The following CKAP2L variants were observed in gnomAD, a reference collection of about 807,000 sequenced individuals.
CKAP2L encodes cytoskeleton associated protein 2L.
In CKAP2L, 42 loss-of-function variants were observed where a neutral mutation model predicts 65.7. That is an observed-to-expected ratio of 0.64 (90% CI 0.50 to 0.83). CKAP2L has a LOEUF of 0.83. Among genes scored for constraint, CKAP2L ranks in the 40% least tolerant of loss-of-function variants. The pLI is 0.00. For synonymous variants in CKAP2L, 325 were observed against 313.5 expected (o/e 1.04, Z -0.39); for missense variants, 908 against 871.0 (o/e 1.04, Z -0.53).
At chr2:112,750,646 G>A (rs1680345159) in intron 5 of CKAP2L, among the ~76,000 whole-genome samples, 1 of 152,176 alleles carries the variant, frequency 6.6e-6, no homozygotes, top group African/African-American at 2.4e-5. Context: ...ACCCACATAA[G>A]ATACTGTGTA....
At chr2:112,740,430 G>A (rs188752166) in intron 8 of CKAP2L, among the ~76,000 whole-genome samples, 8 of 152,228 alleles carry the variant, frequency 5.3e-5, no homozygotes, top group Non-Finnish European at 7.4e-5. Flanking sequence ...AAAATAAAAC[G>A]TTTCTGACTT....
At chr2:112,760,119 T>C (rs1429578476) in intron 3 of CKAP2L, among the ~76,000 whole-genome samples, 1 of 152,216 alleles carries the variant, frequency 6.6e-6, no homozygotes, top group Admixed American at 6.5e-5. Flanking sequence ...TTCAGAGGGC[T>C]AATTTCTTCC....
chr2:112,763,921 C>T (rs1357258098), intron 1 of CKAP2L: 1 of 152,418 alleles, frequency 6.6e-6, no homozygotes, highest in African/African-American at 2.4e-5. Context: ...GTGCCTAGGA[C>T]CTCGTAGGCA....
intron 6 of CKAP2L, among the ~76,000 whole-genome samples, chr2:112,743,165 G>A (rs1680076493): frequency 6.6e-6 from 1 of 152,024 alleles, no homozygotes; most frequent in Admixed American, 6.6e-5. Flanking sequence ...ATTTTCTTGA[G>A]ACAGAGTCTT....
rs1680398459 is a variant in CKAP2L, at chr2:112,752,382, A to G, written c.1487T>C (p.Met496Thr). The change falls in exon 5 of 9, where the codon ATG becomes ACG. Residue 496 changes from methionine (M) to threonine (T), a missense_variant. Coordinates refer to ENST00000302450, the MANE Select transcript of CKAP2L (RefSeq NM_152515.5). ...LKTKRKVIKEMNISFWKSIEK... is the reference protein window; with the variant it reads ...LKTKRKVIKETNISFWKSIEK... ...AATGCTCTTCCAGAATGAAATATTC[A>G]TTTCCTTTATTACTTTTCTTTTTGT... The G allele has an allele frequency of 3.1e-6, 5 of 1,612,236 alleles. No individual in the cohort carries two copies. The highest frequency in any genetic ancestry group is 4.2e-6 in the Non-Finnish European group (5 of 1,178,676).
rs1221260627 is a variant in CKAP2L at position 112,756,765 on chromosome 2, T to C, written c.606A>G (p.Lys202=). Residue 202 remains lysine (K), a synonymous_variant, in exon 4 of 9, where the codon AAA becomes AAG. Transcript: ENST00000302450. The part of the protein sequence containing the change: ...LTEPERKPDP[K]LYTRSKPKTD... ...TCTTTGGCTTACTTCTGGTATATAA[T>C]TTAGGATCTGGCTTCCTCTCAGGTT... The C allele has an allele frequency of 1.2e-6, 2 of 1,602,660 alleles. No homozygotes were observed. The highest frequency in any genetic ancestry group is 1.7e-6 in the Non-Finnish European group (2 of 1,176,694).
intron 5 of CKAP2L, among the ~76,000 whole-genome samples, chr2:112,746,924 A>G (rs1481588653): frequency 6.6e-6 from 1 of 151,850 alleles, no homozygotes; most frequent in Non-Finnish European, 1.5e-5. Context: ...AGTAGCTGGG[A>G]CTACAGGCAC....
chr2:112,753,058 A>C (rs927725254), intron 4 of CKAP2L, among the ~76,000 whole-genome samples: 1 of 152,200 alleles, frequency 6.6e-6, no homozygotes, highest in Non-Finnish European at 1.5e-5. Flanking sequence ...TCCAGCTTCT[A>C]ACAGGTGATA....
At chr2:112,759,022 C>T (rs183831667) in intron 3 of CKAP2L, among the ~76,000 whole-genome samples, 16 of 152,342 alleles carry the variant, frequency 1.1e-4, no homozygotes, top group Middle Eastern at 3.4e-3. Flanking sequence ...TTCTGTCTGG[C>T]TTCTTTCACT....
intron 2 of CKAP2L, among the ~76,000 whole-genome samples, chr2:112,761,214 A>G (rs1180273060): frequency 6.6e-6 from 1 of 152,150 alleles, no homozygotes; most frequent in African/African-American, 2.4e-5. Flanking sequence ...TAATCCCAGC[A>G]CTTTGGGAGG....
intron 4 of CKAP2L, among the ~76,000 whole-genome samples, chr2:112,753,537 T>TTC (rs1246557666): frequency 7.0e-6 from 1 of 142,422 alleles, no homozygotes; most frequent in Non-Finnish European, 1.5e-5. Flanking sequence ...TTTTTTTTTT[T>TTC]TTTTTTTTTT....
At position 112,752,279 on chromosome 2, in the gene CKAP2L, G is replaced by C; in HGVS notation, c.1590C>G (p.Asn530Lys). The C allele has an allele frequency of 3.1e-6, 5 of 1,612,958 alleles. No individual in the cohort carries two copies. Among genetic ancestry groups the C allele is most frequent in the Non-Finnish European group, 4.2e-6 (5 of 1,179,220 alleles). Residue 530 changes from asparagine (N) to lysine (K), a missense_variant, in exon 5 of 9, where the codon AAC becomes AAG. Asn to Lys is a moderately conservative substitution (Grantham distance 94). Coordinates refer to ENST00000302450, the MANE Select transcript of CKAP2L (RefSeq NM_152515.5). Reference protein sequence around the residue: ...KINNTLTECLNLIEGGVPSNE... With the variant: ...KINNTLTECLKLIEGGVPSNE... ...CTTCTTCACTTACCCCTTCGATGAG[G>C]TTCAGACATTCTGTCAGAGTGTTGT...
At chr2:112,748,008 G>A (rs1680256329) in intron 5 of CKAP2L, among the ~76,000 whole-genome samples, 1 of 152,172 alleles carries the variant, frequency 6.6e-6, no homozygotes, top group East Asian at 1.9e-4. Flanking sequence ...CTAGAAACCA[G>A]TGTAATAAAA....
chr2:112,752,091 A>G (rs1398106367), intron 5 of CKAP2L, among the ~76,000 whole-genome samples, 176 bp downstream of exon 5: 1 of 152,246 alleles, frequency 6.6e-6, no homozygotes, highest in Admixed American at 6.5e-5. Context: ...ATAAAAGCAC[A>G]GATACACAAA....
chr2:112,759,416 C>T (rs545104470), intron 3 of CKAP2L, among the ~76,000 whole-genome samples: 2 of 152,300 alleles, frequency 1.3e-5, no homozygotes, highest in African/African-American at 2.4e-5. Context: ...TTATTTACAT[C>T]GTGCTTTTAG....
In CKAP2L at chr2:112,757,174, A is replaced by T. The variant is rs1680567019; in HGVS notation, c.197T>A (p.Leu66Ter). 6.2e-7 allele frequency: 1 copy of T among 1,612,848 alleles called. No individual in the cohort carries two copies. Among genetic ancestry groups the T allele is most frequent in the Non-Finnish European group, 8.5e-7 (1 of 1,179,374 alleles). ...PKNDVTNHVVLPVKPKRSISI... is the reference protein window; with the variant it reads ...PKNDVTNHVV ...GATGGACCTTTTAGGTTTGACAGGCAAAACAACATGGTTGGTAACATCATT... is the reference window on the plus strand; with the variant it reads ...GATGGACCTTTTAGGTTTGACAGGCTAAACAACATGGTTGGTAACATCATT... Residue 66 changes from leucine (L) to a stop codon, truncating the protein, a stop_gained, in exon 4 of 9, where the codon TTG (leucine) becomes TAG (stop). Coordinates refer to ENST00000302450, the MANE Select transcript of CKAP2L (RefSeq NM_152515.5). LOFTEE classifies it high-confidence loss of function.
In CKAP2L at chr2:112,752,716, G is replaced by T. The variant is rs74714058; in HGVS notation, c.1395-242C>A. ...TGGCCAGCACTTCAGACTTCAAATA[G>T]AATTCGTGATTATGCATTATTTTTC... On this transcript the variant is annotated intron_variant, in intron 4 of 8. Transcript: ENST00000302450. Among the ~76,000 whole-genome samples the T allele has an allele frequency of 8.6e-3, 1,312 of 152,180 alleles. 7 individuals carry two copies. Among genetic ancestry groups the T allele is most frequent in the Admixed American group, 0.014 (207 of 15,284 alleles).
At chr2:112,744,929 A>C (rs1680155057) in intron 6 of CKAP2L, among the ~76,000 whole-genome samples, 1 of 152,218 alleles carries the variant, frequency 6.6e-6, no homozygotes, top group Non-Finnish European at 1.5e-5. Flanking sequence ...CAAAACAAAA[A>C]GAACAAACAA....
At chr2:112,753,980 T>C (rs1448990213) in intron 4 of CKAP2L, among the ~76,000 whole-genome samples, 1 of 152,066 alleles carries the variant, frequency 6.6e-6, no homozygotes, top group Admixed American at 6.5e-5. Context: ...TCCACTAGAG[T>C]GTAAGCTCTA....
Sources: gnomAD v4.1 joint callset for allele counts (sites outside exome capture counted in the v4.1 genomes callset) on GRCh38, gnomAD v4.1.1 for gene constraint, MANE v1.5 for transcripts, NCBI Gene and HGNC (gene_info 2026-07-23, HGNC 2026-07-21) for gene names.